BCL11A: variants seen among roughly 807,000 people sequenced by gnomAD.
The protein encoded by BCL11A is B cell CLL/lymphoma 11A.
A neutral mutation model predicts 55.9 loss-of-function variants in BCL11A; 2 were observed. The observed-to-expected ratio is 0.04, with a 90% CI of 0.01 to 0.11. BCL11A has a LOEUF of 0.11. Ranked by LOEUF, BCL11A falls within the 10% of genes least tolerant of loss-of-function variation. The probability of loss-of-function intolerance (pLI) is 1.00; values close to 1 mark genes in which losing one functional copy is unlikely to be tolerated. For missense variants in BCL11A, 817 were observed against 1,137.1 expected (o/e 0.72, Z 4.05); for synonymous variants, 465 against 473.4 (o/e 0.98, Z 0.23).
downstream of BCL11A, among the ~76,000 whole-genome samples, chr2:60,456,415 G>A (rs1675935538): frequency 6.6e-6 from 1 of 152,130 alleles, no homozygotes; most frequent in Non-Finnish European, 1.5e-5. Flanking sequence ...TAATTGAAGG[G>A]TATTCCCGCC....
At chr2:60,547,550 G>A (rs989971869) in intron 1 of BCL11A, among the ~76,000 whole-genome samples, 1 of 151,214 alleles carries the variant, frequency 6.6e-6, no homozygotes, top group Non-Finnish European at 1.5e-5. Context: ...AAACATCCAG[G>A]ATGCTGCCAG....
intron 2 of BCL11A, chr2:60,543,152 T>C (rs1670002136): frequency 6.6e-6 from 1 of 152,064 alleles, no homozygotes; most frequent in Non-Finnish European, 1.5e-5. Context: ...TCCCGAATTC[T>C]AAGCTTTATT....
intron 2 of BCL11A, among the ~76,000 whole-genome samples, chr2:60,477,662 G>A (rs1036033322): frequency 6.6e-6 from 1 of 152,090 alleles, no homozygotes; most frequent in Non-Finnish European, 1.5e-5. Context: ...GACTCCTGAT[G>A]TTTTGTTCGT....
chr2:60,522,991 C>T (rs1018195791), intron 2 of BCL11A: 1 of 152,140 alleles, frequency 6.6e-6, no homozygotes, highest in Admixed American at 6.5e-5. Context: ...AACTAGTGCT[C>T]CAGAGAGACA....
rs112634025 is a variant in BCL11A, at chr2:60,491,573, G to A, written c.386-22740C>T. On this transcript the variant is annotated intron_variant, in intron 2 of 3. Coordinates refer to ENST00000642384, the MANE Select transcript of BCL11A (RefSeq NM_022893.4). ...TGTAATCTCAGCTACTCGGGAGGCT[G>A]AGGCAGGAGATCGCTTGAACCTGGG... Among the ~76,000 whole-genome samples the A allele has an allele frequency of 1.8e-3, 277 of 152,120 alleles. 1 individual carries two copies. The highest frequency in any genetic ancestry group is 6.1e-3 in the African/African-American group (252 of 41,482).
In BCL11A at chr2:60,484,973, A is replaced by G. The variant is rs150509750; in HGVS notation, c.386-16140T>C. ...CACTTGTTTAGGACTTAAAAAAAAA[A>G]AAAAAAAACCAACCAACCAAACAAA... On this transcript the variant is annotated intron_variant, in intron 2 of 3. Transcript: ENST00000642384. 1.6e-3 allele frequency among the ~76,000 whole-genome samples: 239 copies of G among 151,930 alleles called. 1 individual carries two copies. The highest frequency in any genetic ancestry group is 6.8e-3 in the Middle Eastern group (2 of 294).
chr2:60,550,478 A>C (rs932041992), intron 1 of BCL11A, among the ~76,000 whole-genome samples: 3 of 147,738 alleles, frequency 2.0e-5, no homozygotes, highest in Non-Finnish European at 3.0e-5. Context: ...GCTCTGGTAC[A>C]GGTTCAAGTT....
At chr2:60,464,691 C>T (rs547318211) in intron 3 of BCL11A, among the ~76,000 whole-genome samples, 8 of 152,344 alleles carry the variant, frequency 5.3e-5, no homozygotes, top group African/African-American at 1.4e-4. Flanking sequence ...ATGCCAAAAT[C>T]TGTGGCATAC....
Position 60,517,420 on chromosome 2 carries a change from G to A in BCL11A, c.385+28551C>T, listed in dbSNP as rs112441970. 5.0e-3 allele frequency among the ~76,000 whole-genome samples: 757 copies of A among 152,354 alleles called. 2 individuals carry two copies. The highest frequency in any genetic ancestry group is 0.014 in the Middle Eastern group (4 of 294). ...AACAGGGAAAGGAACAAGGCAAGAA[G>A]AAAGGGCAAAGGACCATTCTCTGCA... On this transcript the variant is annotated intron_variant, in intron 2 of 3. Transcript: ENST00000642384.
intron 3 of BCL11A, among the ~76,000 whole-genome samples, chr2:60,467,701 GGTAC>G (rs1676862126): frequency 1.0e-4 from 7 of 69,688 alleles, no homozygotes; most frequent in East Asian, 1.2e-3. Context: ...TGGTGGTGAT[GGTAC>G]TGGTGGTGAT....
rs190242268 is a variant in BCL11A at position 60,521,605 on chromosome 2, G to A, written c.385+24366C>T. 7.9e-5 allele frequency among the ~76,000 whole-genome samples: 12 copies of A among 152,272 alleles called. No individual in the cohort carries two copies. The East Asian group carries it at 1.9e-3, about 24-fold the overall frequency. ...TGCTCCCTTTCATCTTCCATCTTGT[G>A]CCCCAGTCCTCCCTTAAAGGGAAGG... On this transcript the variant is annotated intron_variant, in intron 2 of 3. Transcript: ENST00000642384.
chr2:60,494,446 G>T (rs1558642113), intron 2 of BCL11A, among the ~76,000 whole-genome samples: 1 of 152,216 alleles, frequency 6.6e-6, no homozygotes, highest in Non-Finnish European at 1.5e-5. Flanking sequence ...TGCCAAGATG[G>T]GAGTATGGGG....
At chr2:60,504,905 C>CA (rs1163478875) in intron 2 of BCL11A, among the ~76,000 whole-genome samples, 3 of 152,014 alleles carry the variant, frequency 2.0e-5, no homozygotes, top group African/African-American at 7.3e-5. Flanking sequence ...AGCGTCCCCC[C>CA]AAAAAAACAG....
chr2:60,550,290 C>G (rs1464467523), intron 1 of BCL11A, among the ~76,000 whole-genome samples: 2 of 152,178 alleles, frequency 1.3e-5, no homozygotes, highest in African/African-American at 4.8e-5. Flanking sequence ...GCCGCGCGCC[C>G]GGTCGCTTCT....
intron 2 of BCL11A, among the ~76,000 whole-genome samples, chr2:60,479,639 G>A (rs1677838102): frequency 6.6e-6 from 1 of 152,180 alleles, no homozygotes; most frequent in Non-Finnish European, 1.5e-5. Context: ...GCAGGCTGAC[G>A]CGGTTTCAAA....
chr2:60,489,282 A>G (rs1466429742), intron 2 of BCL11A, among the ~76,000 whole-genome samples: 2 of 152,092 alleles, frequency 1.3e-5, no homozygotes, highest in African/African-American at 4.8e-5. Context: ...ACTATTTCTC[A>G]TTCCATTTCT....
chr2:60,546,153 C>T lies in BCL11A; in HGVS notation c.203G>A (p.Arg68Gln), dbSNP rs763644504. The change falls in exon 2 of 4, where the codon CGG becomes CAG. Residue 68 changes from arginine to glutamine, a missense_variant. By Grantham distance (43) the Arg-to-Gln change is conservative. Transcript: ENST00000642384. This position sits in a 1 kb window ranked among gnomAD's most constrained non-coding sequence, Gnocchi z 4.1. ...GDILIFIEHK[R>Q]KQCNGSLCLE... The stretch of plus-strand genomic sequence containing the variant: ...GCAGAGGCTGCCATTGCATTGTTTC[C>T]GTTTGTGCTCGATAAAAATAAGAAT... The T allele has an allele frequency of 1.3e-5, 21 of 1,614,044 alleles. No homozygotes were observed. Among genetic ancestry groups the T allele is most frequent in the Admixed American group, 8.3e-5 (5 of 59,998 alleles).
intron 2 of BCL11A, among the ~76,000 whole-genome samples, chr2:60,493,587 C>A (rs755457968): frequency 2.6e-5 from 4 of 152,090 alleles, no homozygotes; most frequent in Non-Finnish European, 4.4e-5. Flanking sequence ...TGAATCAGGC[C>A]AAATAAATTG....
At chr2:60,453,861 T>TA (rs1675823765), downstream of BCL11A, among the ~76,000 whole-genome samples, 1 of 152,178 alleles carries the variant, frequency 6.6e-6, no homozygotes, top group African/African-American at 2.4e-5. Context: ...TCCCTTGAAA[T>TA]AGTTTTTGCC....
Sources: gnomAD v4.1 joint callset for allele counts (sites outside exome capture counted in the v4.1 genomes callset) on GRCh38, gnomAD v4.1.1 for gene constraint, Gnocchi (gnomAD v3.1) non-coding constraint, MANE v1.5 for transcripts, NCBI Gene and HGNC (gene_info 2026-07-23, HGNC 2026-07-21) for gene names.